The following PIGU variants were observed in gnomAD, a reference collection of about 807,000 sequenced individuals.
PIGU encodes the protein GPI-anchor transamidase component PIGU.
Under a neutral mutation model 49.9 loss-of-function variants are expected in PIGU, and 24 were observed. The observed-to-expected ratio is 0.48, with a 90% confidence interval of 0.35 to 0.68. The LOEUF (loss-of-function observed/expected upper bound fraction) is 0.68, where lower values mean the gene tolerates loss of function less well. PIGU is among the 30% of genes least tolerant of loss of function. The pLI, the probability that PIGU is intolerant of heterozygous loss-of-function variation, is 0.01. For synonymous variants in PIGU, 220 were observed against 205.7 expected, an observed-to-expected ratio of 1.07 and a Z score of -0.59; for missense variants, 490 against 532.6, an observed-to-expected ratio of 0.92 and a Z score of 0.79.
intron 6 of PIGU, among the ~76,000 whole-genome samples, chr20:34,617,275 C>T (rs547605591): frequency 3.2e-4 from 49 of 152,112 alleles, no homozygotes; most frequent in Non-Finnish European, 6.3e-4. Context: ...CAGCTTGCAC[C>T]GTGGGCCTGG....
chr20:34,664,424 C>T (rs1344237515), intron 1 of PIGU, among the ~76,000 whole-genome samples: 1 of 152,232 alleles, frequency 6.6e-6, no homozygotes, highest in Non-Finnish European at 1.5e-5. Context: ...GTTGACCGGG[C>T]ACAGTGGCTC....
rs762865841 is a variant in PIGU, at chr20:34,634,695, G to A, written c.449C>T (p.Thr150Met). The change falls in exon 6 of 12, where the codon ACG (threonine) becomes ATG (methionine). Residue 150 changes from threonine to methionine, a missense_variant. By Grantham distance (81) the Thr-to-Met change is moderately conservative. Coordinates refer to ENST00000217446, the MANE Select transcript of PIGU (RefSeq NM_080476.5). ...AGACTTGGCAACACAAGACAAAATC[G>A]TGTAAGGATTTAAGAGATAGCTGGG... ...VALFYLLNPY[T>M]ILSCVAKSTC... 15 of 1,612,330 alleles carry A rather than the reference G, an allele frequency of 9.3e-6. No individual in the cohort carries two copies. The highest frequency in any genetic ancestry group is 4.5e-5 in the East Asian group (2 of 44,780).
chr20:34,590,881 T>TGTG (rs1983945261), intron 7 of PIGU, among the ~76,000 whole-genome samples: 1 of 151,304 alleles, frequency 6.6e-6, no homozygotes, highest in African/African-American at 2.4e-5. Flanking sequence ...ATTAGCCAGG[T>TGTG]GTGGTGGCAG....
At chr20:34,565,119 G>T (rs1028785767) in intron 11 of PIGU, among the ~76,000 whole-genome samples, 1 of 152,232 alleles carries the variant, frequency 6.6e-6, no homozygotes, top group African/African-American at 2.4e-5. Flanking sequence ...ACAGGGGCGA[G>T]TTGGGCAAGG....
chr20:34,585,407 C>T, intron 9 of PIGU, 30 bp downstream of exon 9: 1 of 1,611,182 alleles, frequency 6.2e-7, no homozygotes, highest in Non-Finnish European at 8.5e-7. Context: ...CAGCTCTGTA[C>T]ACACAGCAGC....
intron 6 of PIGU, among the ~76,000 whole-genome samples, chr20:34,622,480 G>A (rs957184912): frequency 6.6e-6 from 1 of 151,974 alleles, no homozygotes; most frequent in African/African-American, 2.4e-5. Context: ...TCACGCCACT[G>A]CACTCCAGCC....
At position 34,565,558 on chromosome 20, in the gene PIGU, G is replaced by A. The variant is rs139768952; in HGVS notation, c.1195-4579C>T. On this transcript the variant is annotated intron_variant, in intron 11 of 11. Transcript: ENST00000217446. ...CAGGCATGAGCCACCGCGCCCGGCC[G>A]GGCTCCTCTAGTCTTTGTGCCAGTT... Among the ~76,000 whole-genome samples, 872 of 152,070 alleles carry A rather than the reference G, an allele frequency of 5.7e-3. 9 individuals carry two copies. Among genetic ancestry groups the A allele is most frequent in the African/African-American group, 0.02 (832 of 41,462 alleles).
At chr20:34,664,204 G>A (rs1373013709) in intron 1 of PIGU, among the ~76,000 whole-genome samples, 5 of 152,140 alleles carry the variant, frequency 3.3e-5, no homozygotes, top group Admixed American at 1.3e-4. Flanking sequence ...GGGCCGGAGT[G>A]TAATGGCTTG....
chr20:34,573,769 C>T (rs768605700), intron 11 of PIGU, among the ~76,000 whole-genome samples: 4 of 152,260 alleles, frequency 2.6e-5, no homozygotes, highest in African/African-American at 7.2e-5. Flanking sequence ...AGAGAGGCTG[C>T]GCATCCACCA....
chr20:34,637,922 G>A lies in PIGU; in HGVS notation c.382C>T (p.Arg128Trp), dbSNP rs781451334. ...ATGTAACGCATTTCCATAGGGGTCCGGATGAGTTCGGCCACATCTGGGGCA... is the reference window on the plus strand; with the variant it reads ...ATGTAACGCATTTCCATAGGGGTCCAGATGAGTTCGGCCACATCTGGGGCA... ...QYAPDVAELI[R>W]TPMEMRYIPL... is the part of the protein sequence containing the mutation. The change falls in exon 5 of 12, where the codon CGG becomes TGG. Residue 128 changes from arginine to tryptophan, a missense_variant. By Grantham distance (101) the Arg-to-Trp change is moderately radical. Transcript: ENST00000217446. 29 of 1,609,420 alleles carry A rather than the reference G, an allele frequency of 1.8e-5. No individual in the cohort carries two copies. The highest frequency in any genetic ancestry group is 4.4e-5 in the South Asian group (4 of 90,064).
intron 1 of PIGU, among the ~76,000 whole-genome samples, chr20:34,675,259 AAAAAAAAAAAGAG>A (rs1329639582): frequency 7.4e-6 from 1 of 135,708 alleles, no homozygotes; most frequent in African/African-American, 2.7e-5. Context: ...AAAAAAAAAA[AAAAAAAAAAAGAG>A]AGAGAGAGAA....
At chr20:34,653,447 G>A (rs955370353) in intron 2 of PIGU, among the ~76,000 whole-genome samples, 3 of 152,030 alleles carry the variant, frequency 2.0e-5, no homozygotes, top group African/African-American at 4.8e-5. Flanking sequence ...ATTTAGTATC[G>A]CTATCTCTTT....
chr20:34,652,879 C>G (rs1986583819), intron 2 of PIGU, among the ~76,000 whole-genome samples: 2 of 151,302 alleles, frequency 1.3e-5, no homozygotes, highest in African/African-American at 4.9e-5. Flanking sequence ...AGAATGTGGT[C>G]TATCTTGCAA....
At chr20:34,658,204 G>A (rs1328320569) in intron 1 of PIGU, among the ~76,000 whole-genome samples, 6 of 152,220 alleles carry the variant, frequency 3.9e-5, no homozygotes, top group Non-Finnish European at 4.4e-5. Context: ...TGTGTTGGCC[G>A]GGCCGGTCTC....
chr20:34,664,228 G>A (rs952914003), intron 1 of PIGU, among the ~76,000 whole-genome samples: 4 of 152,120 alleles, frequency 2.6e-5, no homozygotes, highest in African/African-American at 4.8e-5. Flanking sequence ...ATAGCTCATC[G>A]CAGCCTCAAC....
At chr20:34,593,375 T>C (rs548295187) in intron 7 of PIGU, among the ~76,000 whole-genome samples, 41 of 147,400 alleles carry the variant, frequency 2.8e-4, no homozygotes, top group Non-Finnish European at 4.9e-4. Context: ...CCACTTTACG[T>C]AGATAAAAAG....
chr20:34,660,307 A>C (rs1392871554), intron 1 of PIGU, among the ~76,000 whole-genome samples: 3 of 152,178 alleles, frequency 2.0e-5, no homozygotes, highest in Non-Finnish European at 2.9e-5. Flanking sequence ...AAAATTTTAC[A>C]TGGGCGGTGG....
At chr20:34,616,401 C>A (rs1227221460) in intron 6 of PIGU, among the ~76,000 whole-genome samples, 9 of 152,224 alleles carry the variant, frequency 5.9e-5, no homozygotes, top group Admixed American at 3.9e-4. Context: ...AATTTTGAGA[C>A]CCAGAACGAT....
chr20:34,586,504 C>A (rs1190993636), intron 8 of PIGU, among the ~76,000 whole-genome samples: 3 of 152,124 alleles, frequency 2.0e-5, no homozygotes, highest in Non-Finnish European at 4.4e-5. Flanking sequence ...TATGCTCAGC[C>A]AGGATTTAAC....
Sources: gnomAD v4.1 joint callset for allele counts (sites outside exome capture counted in the v4.1 genomes callset) on GRCh38, gnomAD v4.1.1 for gene constraint, MANE v1.5 for transcripts, NCBI Gene and HGNC (gene_info 2026-07-23, HGNC 2026-07-21) for gene names.